RASGRF2: variants seen among roughly 807,000 people sequenced by gnomAD.
RASGRF2 encodes Ras protein specific guanine nucleotide releasing factor 2, also known as ras-specific guanine nucleotide-releasing factor 2.
A neutral mutation model predicts 151.0 loss-of-function variants in RASGRF2; 76 were observed. That is an observed-to-expected ratio of 0.50 (90% CI 0.42 to 0.61). The LOEUF (loss-of-function observed/expected upper bound fraction) is 0.61. Among genes scored for constraint, RASGRF2 ranks in the 20% least tolerant of loss-of-function variants. RASGRF2 has a pLI of 0.00. For synonymous variants in RASGRF2, 504 were observed against 566.5 expected, an observed-to-expected ratio of 0.89 and a Z score of 1.57; for missense variants, 1,148 against 1,564.6, an observed-to-expected ratio of 0.73 and a Z score of 4.49.
chr5:81,010,542 A>G (rs906319000), intron 1 of RASGRF2, among the ~76,000 whole-genome samples: 1 of 152,136 alleles, frequency 6.6e-6, no homozygotes, highest in African/African-American at 2.4e-5. Context: ...AAGCAGCAAA[A>G]ATGTAAAGTT....
intron 17 of RASGRF2, among the ~76,000 whole-genome samples, chr5:81,140,996 T>TC (rs1182671846): frequency 1.3e-5 from 2 of 151,484 alleles, no homozygotes; most frequent in Non-Finnish European, 2.9e-5. Context: ...TCTGGTTTTT[T>TC]TTTTTCTAGC....
At chr5:81,083,088 C>A (rs183131544) in intron 7 of RASGRF2, among the ~76,000 whole-genome samples, 1 of 152,300 alleles carries the variant, frequency 6.6e-6, no homozygotes, top group African/African-American at 2.4e-5. Flanking sequence ...ACTAAGCTCA[C>A]TCTCTCCTTC....
rs572219994 is a variant in RASGRF2, at chr5:81,097,159, C to G, written c.1755+2167C>G. ...TATTTTTAGGAGAGATGGGGTCTCA[C>G]CATGTTGGCCAGGGTGGTCTCAAAC... is the stretch of plus-strand genomic sequence containing the variant. On this transcript the variant is annotated intron_variant, in intron 12 of 26. Transcript: ENST00000265080. Among the ~76,000 whole-genome samples the G allele has an allele frequency of 5.9e-5, 9 of 152,214 alleles. No individual in the cohort carries two copies. The South Asian group carries it at 1.7e-3, about 28-fold the overall frequency.
intron 9 of RASGRF2, among the ~76,000 whole-genome samples, chr5:81,088,827 AT>A (rs954552563): frequency 6.6e-6 from 1 of 152,100 alleles, no homozygotes; most frequent in Middle Eastern, 3.4e-3. Flanking sequence ...ACTGAATGTC[AT>A]TTTTTTTCAC....
chr5:81,031,257 C>A (rs1052865419), intron 1 of RASGRF2, among the ~76,000 whole-genome samples: 6 of 152,150 alleles, frequency 3.9e-5, no homozygotes, highest in Non-Finnish European at 8.8e-5. Flanking sequence ...AGAAAGTTAA[C>A]AAGGATATCC....
At chr5:81,174,912 AG>A (rs1013954180) in intron 17 of RASGRF2, among the ~76,000 whole-genome samples, 5 of 152,234 alleles carry the variant, frequency 3.3e-5, no homozygotes, top group African/African-American at 1.2e-4. Context: ...TTAAAAGGAA[AG>A]CATTTTCTTT....
Position 81,136,379 on chromosome 5 carries a change from T to G in RASGRF2, c.2686+9216T>G, listed in dbSNP as rs139319489. ...ATTTGCCTGAGAAAGTCTTTATTTC[T>G]CCTTCACTTTTGAAGCATAACTTCA... On this transcript the variant is annotated intron_variant, in intron 17 of 26. Coordinates refer to ENST00000265080, the MANE Select transcript of RASGRF2 (RefSeq NM_006909.3). Among the ~76,000 whole-genome samples, 79 of 152,288 alleles carry G rather than the reference T, an allele frequency of 5.2e-4. 1 individual carries two copies. Among genetic ancestry groups the G allele is most frequent in the African/African-American group, 1.9e-3 (79 of 41,568 alleles).
intron 21 of RASGRF2, 141 bp from the exon 22 acceptor site, chr5:81,208,213 A>G: frequency 1.6e-6 from 1 of 610,444 alleles, no homozygotes; most frequent in Non-Finnish European, 2.8e-6. Context: ...TTCACTTGTG[A>G]GGCTGGCAGC....
At chr5:81,172,270 CAT>C (rs537300485) in intron 17 of RASGRF2, among the ~76,000 whole-genome samples, 268 of 152,198 alleles carry the variant, frequency 1.8e-3, no homozygotes, top group African/African-American at 6.1e-3. Flanking sequence ...CTAAACAACA[CAT>C]GTTGTTTAAA....
chr5:80,967,255 G>A (rs942573110), intron 1 of RASGRF2, among the ~76,000 whole-genome samples: 2 of 152,216 alleles, frequency 1.3e-5, no homozygotes, highest in Non-Finnish European at 2.9e-5. Context: ...AGGCGTGGTG[G>A]AGCATGCCTG....
At chr5:81,112,898 G>A in intron 14 of RASGRF2, 40 bp downstream of exon 14, 1 of 1,611,718 alleles carries the variant, frequency 6.2e-7, no homozygotes, top group South Asian at 1.1e-5. Context: ...ATTCGCATAT[G>A]GCCCTCTTCG....
At chr5:81,056,832 T>G (rs1030242763) in intron 2 of RASGRF2, among the ~76,000 whole-genome samples, 1 of 152,218 alleles carries the variant, frequency 6.6e-6, no homozygotes, top group Non-Finnish European at 1.5e-5. Context: ...TGCCTATATA[T>G]TTAGGATAGT....
At chr5:81,127,523 GACAAA>G (rs1349939972) in intron 17 of RASGRF2, among the ~76,000 whole-genome samples, 2 of 151,184 alleles carry the variant, frequency 1.3e-5, no homozygotes, top group Non-Finnish European at 1.5e-5. Flanking sequence ...ACCCTATCTC[GACAAA>G]ACAAAACAAA....
chr5:80,973,349 C>T (rs979995145), intron 1 of RASGRF2, among the ~76,000 whole-genome samples: 2 of 152,218 alleles, frequency 1.3e-5, no homozygotes, highest in Admixed American at 6.5e-5. Flanking sequence ...TTCCCTCCCT[C>T]ATCCTCCTGT....
chr5:81,116,493 C>G (rs1227076549), intron 15 of RASGRF2, among the ~76,000 whole-genome samples: 1 of 152,134 alleles, frequency 6.6e-6, no homozygotes, highest in Non-Finnish European at 1.5e-5. Flanking sequence ...GTTAGTAGTC[C>G]TCTTAGGGCT....
intron 2 of RASGRF2, among the ~76,000 whole-genome samples, chr5:81,065,128 C>T (rs891526381): frequency 9.9e-5 from 15 of 152,126 alleles, no homozygotes; most frequent in Non-Finnish European, 2.2e-4. Context: ...TGATTGACAC[C>T]GTGATCGTAG....
intron 17 of RASGRF2, among the ~76,000 whole-genome samples, chr5:81,135,353 T>C (rs1409577618): frequency 6.6e-6 from 1 of 152,104 alleles, no homozygotes; most frequent in Non-Finnish European, 1.5e-5. Flanking sequence ...TTTTAATATA[T>C]TCCCAGAGTT....
At chr5:81,121,064 A>T (rs148071239) in intron 15 of RASGRF2, among the ~76,000 whole-genome samples, 1 of 152,194 alleles carries the variant, frequency 6.6e-6, no homozygotes, top group Non-Finnish European at 1.5e-5. Context: ...AAAGTCATGG[A>T]TGAACACTAC....
intron 2 of RASGRF2, among the ~76,000 whole-genome samples, chr5:81,060,236 C>G (rs1487505405): frequency 6.6e-6 from 1 of 152,038 alleles, no homozygotes; most frequent in Non-Finnish European, 1.5e-5. Context: ...TGACACAGAT[C>G]TAAACCATAC....
Sources: gnomAD v4.1 joint callset for allele counts (sites outside exome capture counted in the v4.1 genomes callset) on GRCh38, gnomAD v4.1.1 for gene constraint, MANE v1.5 for transcripts, NCBI Gene and HGNC (gene_info 2026-07-23, HGNC 2026-07-21) for gene names.